CNIH1: variants seen among roughly 807,000 people sequenced by gnomAD.
CNIH1 encodes the protein cornichon family member 1, also known as protein cornichon homolog 1.
Under a neutral mutation model 20.2 loss-of-function variants are expected in CNIH1, and 12 were observed. The ratio of observed to expected loss-of-function variants is 0.59; its 90% CI spans 0.38 to 0.96. The LOEUF is 0.96. Ranked by LOEUF, CNIH1 falls within the 40% of genes least tolerant of loss-of-function variation. CNIH1 has a pLI of 0.00. For synonymous variants in CNIH1, 69 were observed against 63.3 expected (o/e 1.09, Z -0.43); for missense variants, 152 against 178.8 (o/e 0.85, Z 0.85).
At chr14:54,441,127 G>T (rs917820207) in intron 1 of CNIH1, 120 bp downstream of exon 1, 44 of 1,064,988 alleles carry the variant, frequency 4.1e-5, no homozygotes, top group Middle Eastern at 3.7e-4. Context: ...GCCCGTGCCA[G>T]CCGGGCCGCA....
intron 1 of CNIH1, among the ~76,000 whole-genome samples, chr14:54,440,787 T>G (rs903335428): frequency 6.6e-6 from 1 of 152,230 alleles, no homozygotes; most frequent in South Asian, 2.1e-4. Flanking sequence ...AAATTCACCC[T>G]AAGTAGGTTA....
At position 54,436,353 on chromosome 14, in the gene CNIH1, C is replaced by T; in HGVS notation, c.150+16G>A. The T allele has an allele frequency of 7.2e-7, 1 of 1,380,024 alleles. No individual in the cohort carries two copies. Among genetic ancestry groups the T allele is most frequent in the Non-Finnish European group, 1.0e-6 (1 of 974,778 alleles). The allele number at this position is 1,380,024 out of a possible 1,614,324, so 85.5% of individuals were successfully genotyped here. A position where few individuals can be genotyped will look rare whatever the true frequency, so the allele number is the denominator to read the frequency against. Reference sequence around the variant, plus strand: ...TATTTTTAAAATCTAAAGATAAATCCTATATTATAACTTACGGGATTCAGG... The same window carrying T: ...TATTTTTAAAATCTAAAGATAAATCTTATATTATAACTTACGGGATTCAGG... On this transcript the variant is annotated intron_variant, in intron 2 of 4. Coordinates refer to ENST00000216416, the MANE Select transcript of CNIH1 (RefSeq NM_005776.3).
chr14:54,431,997 C>A, intron 3 of CNIH1, 111 bp downstream of exon 3: 5 of 478,686 alleles, frequency 1.0e-5, no homozygotes, highest in South Asian at 6.9e-5. Flanking sequence ...AAATAAATGC[C>A]AACTGATCTT....
chr14:54,436,071 G>A (rs761888518), intron 2 of CNIH1: 4 of 702,148 alleles, frequency 5.7e-6, no homozygotes, highest in South Asian at 3.0e-5. Flanking sequence ...CTAAAAAGCA[G>A]TACACACCTT....
intron 4 of CNIH1, among the ~76,000 whole-genome samples, 193 bp from the exon 5 acceptor site, chr14:54,428,034 G>A: frequency 6.6e-6 from 1 of 152,110 alleles, no homozygotes; most frequent in East Asian, 1.9e-4. Context: ...TGCATATGCT[G>A]TAGTTGTCCC....
rs1431820623 is a variant in CNIH1 at position 54,424,398 on chromosome 14, CATAA to C, written c.*3412_*3415del. 2.3e-4 allele frequency: 35 copies of C among 152,108 alleles called. No individual in the cohort carries two copies. Among genetic ancestry groups the C allele is most frequent in the African/African-American group, 8.2e-4 (34 of 41,424 alleles). 9.4% of individuals were successfully genotyped at this position (152,108 alleles called of 1,614,324 possible). On this transcript the variant is annotated 3_prime_UTR_variant, in exon 5 of 5. Coordinates refer to ENST00000216416, the MANE Select transcript of CNIH1 (RefSeq NM_005776.3). ...ATGTACATTTATGGATGTTAAATGA[CATAA>C]ATAAGTAAACTAGACACATACTTTT...
chr14:54,430,584 G>A lies in CNIH1; in HGVS notation c.264-180C>T, dbSNP rs572026246. On this transcript the variant is annotated intron_variant, in intron 3 of 4. Coordinates refer to ENST00000216416, the MANE Select transcript of CNIH1 (RefSeq NM_005776.3). ...AATTTTAAAAGTAGAGCCCCTAAAT[G>A]AGCAGAATGAGATAGCTAAACAAGT... 5.3e-5 allele frequency among the ~76,000 whole-genome samples: 8 copies of A among 152,290 alleles called. No homozygotes were observed. In the South Asian group the frequency reaches 1.7e-3, roughly 32 times the overall value.
chr14:54,441,351 C>G lies in CNIH1; in HGVS notation c.-24G>C. ...ATGGCTGGGGAGGAGGAGCGGGGAG[C>G]GGCGCCGTTGCCAGCGGAGAAAGGC... On this transcript the variant is annotated 5_prime_UTR_variant, in exon 1 of 5. Transcript: ENST00000216416. The G allele has an allele frequency of 6.7e-7, 1 of 1,482,830 alleles. No individual in the cohort carries two copies. The highest frequency in any genetic ancestry group is 9.0e-7 in the Non-Finnish European group (1 of 1,106,854). 91.9% of individuals were successfully genotyped at this position (1,482,830 alleles called of 1,614,324 possible).
chr14:54,441,233 C>G lies in CNIH1; in HGVS notation c.81+14G>C. 6.6e-7 allele frequency: 1 copy of G among 1,504,954 alleles called. No homozygotes were observed. Among genetic ancestry groups the G allele is most frequent in the Non-Finnish European group, 8.9e-7 (1 of 1,124,716 alleles). 93.2% of individuals were successfully genotyped at this position (1,504,954 alleles called of 1,614,324 possible). ...TGCCGCCTCGCCCTCCTTTCCCCAG[C>G]CCCAGCTACTCACGTGCCAAATGGC... is the stretch of plus-strand genomic sequence containing the variant. On this transcript the variant is annotated intron_variant, in intron 1 of 4. Transcript: ENST00000216416.
Position 54,432,154 on chromosome 14 carries a change from G to C in CNIH1, c.217C>G (p.Leu73Val). The C allele has an allele frequency of 6.4e-7, 1 of 1,571,238 alleles. No homozygotes were observed. The highest frequency in any genetic ancestry group is 8.6e-7 in the Non-Finnish European group (1 of 1,157,274). Residue 73 changes from leucine to valine, a missense_variant, in exon 3 of 5, where the codon CTT becomes GTT. Leu to Val is a conservative substitution (Grantham distance 32). This residue lies in a region of CNIH1 where 97 missense variants were observed against 100.6 expected (regional missense o/e 0.96). Transcript: ENST00000216416. ...AGGGGCATATTGAGACCCAGTGTAA[G>C]CCACTCTGCTGCACAAAGAAACATG... is the stretch of plus-strand genomic sequence containing the variant. ...CVMFLCAAEWLTLGLNMPLLA... is the reference protein window; with the variant it reads ...CVMFLCAAEWVTLGLNMPLLA...
Position 54,436,420 on chromosome 14 carries a change from C to T in CNIH1, c.99G>A (p.Glu33=), listed in dbSNP as rs1188033653. Residue 33 remains glutamate (E), a synonymous_variant, in exon 2 of 5, where the codon GAG becomes GAA. Transcript: ENST00000216416. ...TAGGATTCTTGTAATCAGTCTTCAGCTCATCAAATGCTATAATCTAAAATA... is the reference window on the plus strand; with the variant it reads ...TAGGATTCTTGTAATCAGTCTTCAGTTCATCAAATGCTATAATCTAAAATA... ...FAIWHIIAFD[E]LKTDYKNPID... 6.3e-7 allele frequency: 1 copy of T among 1,574,880 alleles called. No individual in the cohort carries two copies. Among genetic ancestry groups the T allele is most frequent in the South Asian group, 1.1e-5 (1 of 89,700 alleles).
chr14:54,432,297 C>A, intron 2 of CNIH1, 77 bp from the exon 3 acceptor site: 1 of 636,980 alleles, frequency 1.6e-6, no homozygotes, highest in Non-Finnish European at 2.6e-6. Flanking sequence ...CAGGTGGCAA[C>A]CAAGTTTCCA....
intron 3 of CNIH1, among the ~76,000 whole-genome samples, chr14:54,430,865 C>T (rs1325585798): frequency 6.6e-6 from 1 of 151,696 alleles, no homozygotes; most frequent in African/African-American, 2.4e-5. Context: ...AGGGTCTTAC[C>T]CTGTAACCCA....
intron 1 of CNIH1, among the ~76,000 whole-genome samples, chr14:54,439,706 T>C (rs1234866961): frequency 1.3e-5 from 2 of 151,940 alleles, no homozygotes; most frequent in Non-Finnish European, 2.9e-5. Flanking sequence ...CCCACCACCA[T>C]GCCCGGCTAA....
chr14:54,427,756 C>G lies in CNIH1; in HGVS notation c.*58G>C. ...GGACAGGATCTTGCTGGATAGAATCCCTTCATTTGGTGGCTTTTTGCATGC... is the reference window on the plus strand; with the variant it reads ...GGACAGGATCTTGCTGGATAGAATCGCTTCATTTGGTGGCTTTTTGCATGC... On this transcript the variant is annotated 3_prime_UTR_variant, in exon 5 of 5. Coordinates refer to ENST00000216416, the MANE Select transcript of CNIH1 (RefSeq NM_005776.3). 6.4e-7 allele frequency: 1 copy of G among 1,574,128 alleles called. No homozygotes were observed. The highest frequency in any genetic ancestry group is 8.7e-7 in the Non-Finnish European group (1 of 1,145,378).
intron 4 of CNIH1, among the ~76,000 whole-genome samples, chr14:54,429,755 C>G (rs954355197): frequency 3.4e-5 from 5 of 148,374 alleles, no homozygotes; most frequent in African/African-American, 1.2e-4. Context: ...GACTCCGACT[C>G]AAAAAAAAAG....
At position 54,430,291 on chromosome 14, in the gene CNIH1, T is replaced by G; in HGVS notation, c.377A>C (p.Tyr126Ser). Residue 126 changes from tyrosine to serine, a missense_variant, in exon 4 of 5, where the codon TAT becomes TCT. By Grantham distance (144) the Tyr-to-Ser change is moderately radical (BLOSUM62 -2). Coordinates refer to ENST00000216416, the MANE Select transcript of CNIH1 (RefSeq NM_005776.3). ...QKEGWCKLAF[Y>S]LLAFFYYLYG... ...TAGGTAGTAAAAAAATGCTAGAAGA[T>G]AAAAAGCTAATTTGCACCATCCTTC... 3.7e-6 allele frequency: 6 copies of G among 1,614,120 alleles called. No individual in the cohort carries two copies. The highest frequency in any genetic ancestry group is 5.1e-6 in the Non-Finnish European group (6 of 1,179,972).
Position 54,423,607 on chromosome 14 carries a change from A to G in CNIH1, c.*4207T>C, listed in dbSNP as rs952133103. The G allele has an allele frequency of 6.6e-6, 1 of 152,220 alleles. No individual in the cohort carries two copies. The highest frequency in any genetic ancestry group is 1.5e-5 in the Non-Finnish European group (1 of 68,032). 9.4% of individuals were successfully genotyped at this position (152,220 alleles called of 1,614,324 possible). On this transcript the variant is annotated 3_prime_UTR_variant, in exon 5 of 5. Coordinates refer to ENST00000216416, the MANE Select transcript of CNIH1 (RefSeq NM_005776.3). Reference sequence around the variant, plus strand: ...TAAATACAAAAGCAAAATAAGCTCTAAGGAGTAAGGTAGGGCTACTTAAGG... The same window carrying G: ...TAAATACAAAAGCAAAATAAGCTCTGAGGAGTAAGGTAGGGCTACTTAAGG...
At chr14:54,438,118 T>G (rs1288877530) in intron 1 of CNIH1, among the ~76,000 whole-genome samples, 1 of 152,064 alleles carries the variant, frequency 6.6e-6, no homozygotes, top group East Asian at 1.9e-4. Context: ...TAGCTGGGAC[T>G]ACAGGTGCAT....
Sources: allele counts gnomAD v4.1 joint callset (sites outside exome capture counted in the v4.1 genomes callset), GRCh38; gene constraint gnomAD v4.1.1; regional missense constraint gnomAD v4.1.1; transcripts MANE v1.5; gene names NCBI Gene and HGNC (gene_info 2026-07-23, HGNC 2026-07-21).